JAZF1: variants seen among roughly 807,000 people sequenced by gnomAD.
JAZF1 encodes juxtaposed with another zinc finger protein 1.
JAZF1 carries 8 observed loss-of-function variants against 26.4 expected under a neutral mutation model. That is an observed-to-expected ratio of 0.30 (90% CI 0.18 to 0.55). The LOEUF is 0.55. Among genes scored for constraint, JAZF1 ranks in the 20% least tolerant of loss-of-function variants. The probability of loss-of-function intolerance (pLI) is 0.94; values close to 1 mark genes in which losing one functional copy is unlikely to be tolerated. For synonymous variants in JAZF1, 126 were observed against 122.3 expected (o/e 1.03, Z -0.20); for missense variants, 199 against 322.0 (o/e 0.62, Z 2.92).
chr7:27,833,172 C>T, intron 4 of JAZF1, 196 bp from the exon 5 acceptor site: 1 of 363,832 alleles, frequency 2.7e-6, no homozygotes, highest in Non-Finnish European at 4.9e-6. Context: ...GTCACACACA[C>T]AGCTGACTCA....
intron 2 of JAZF1, among the ~76,000 whole-genome samples, chr7:27,940,645 T>C (rs1399862047): frequency 1.3e-5 from 2 of 152,070 alleles, no homozygotes; most frequent in Admixed American, 1.3e-4. Flanking sequence ...GCATCTTGGG[T>C]GGGTGGCGTA....
intron 3 of JAZF1, among the ~76,000 whole-genome samples, chr7:27,883,114 C>T (rs529355435): frequency 9.7e-4 from 148 of 152,236 alleles, no homozygotes; most frequent in African/African-American, 3.3e-3. Flanking sequence ...GAGCTCTGGA[C>T]GTTGGCTTAA....
intron 1 of JAZF1, among the ~76,000 whole-genome samples, chr7:28,070,380 C>T (rs1783957360): frequency 6.6e-6 from 1 of 152,210 alleles, no homozygotes; most frequent in African/African-American, 2.4e-5. Context: ...ACATTTTCCT[C>T]TCCTTTGCTT....
intron 3 of JAZF1, among the ~76,000 whole-genome samples, chr7:27,887,194 C>T (rs970054908): frequency 3.9e-5 from 6 of 151,966 alleles, no homozygotes; most frequent in Non-Finnish European, 7.4e-5. Flanking sequence ...AATACCTGGG[C>T]GATGAAATAA....
At chr7:27,990,765 G>A (rs1458780497) in intron 2 of JAZF1, among the ~76,000 whole-genome samples, 1 of 151,968 alleles carries the variant, frequency 6.6e-6, no homozygotes, top group East Asian at 1.9e-4. Flanking sequence ...AACAATACTG[G>A]CTCTGTAAGA....
At chr7:27,984,322 G>C (rs1371595496) in intron 2 of JAZF1, among the ~76,000 whole-genome samples, 1 of 152,158 alleles carries the variant, frequency 6.6e-6, no homozygotes, top group African/African-American at 2.4e-5. Context: ...TGATAAAATA[G>C]ACTTTAAACC....
intron 1 of JAZF1, among the ~76,000 whole-genome samples, chr7:28,109,999 G>C (rs1327681969): frequency 2.0e-5 from 3 of 152,164 alleles, no homozygotes; most frequent in Non-Finnish European, 4.4e-5. Context: ...AACTACACTA[G>C]ATATTTTTTT....
intron 2 of JAZF1, among the ~76,000 whole-genome samples, chr7:27,919,770 A>G (rs1784499958): frequency 6.6e-6 from 1 of 152,198 alleles, no homozygotes; most frequent in Non-Finnish European, 1.5e-5. Flanking sequence ...TTCTACCCAC[A>G]CCATTTATTA....
At chr7:27,879,760 C>T (rs937533717) in intron 3 of JAZF1, among the ~76,000 whole-genome samples, 3 of 151,970 alleles carry the variant, frequency 2.0e-5, no homozygotes, top group African/African-American at 7.3e-5. Flanking sequence ...ATGAGAGGAA[C>T]CAATGAAAAA....
At chr7:27,916,035 T>C (rs1288121381) in intron 2 of JAZF1, among the ~76,000 whole-genome samples, 2 of 152,158 alleles carry the variant, frequency 1.3e-5, no homozygotes, top group Non-Finnish European at 2.9e-5. Flanking sequence ...TTAAATTGTG[T>C]GTGTGCACAG....
intron 1 of JAZF1, among the ~76,000 whole-genome samples, chr7:28,071,392 C>T (rs988729614): frequency 1.3e-5 from 2 of 152,204 alleles, no homozygotes; most frequent in Non-Finnish European, 2.9e-5. Flanking sequence ...AGTTTAGTGG[C>T]TAAATGCAAA....
intron 2 of JAZF1, among the ~76,000 whole-genome samples, chr7:27,910,081 A>G (rs1449852679): frequency 6.6e-6 from 1 of 152,186 alleles, no homozygotes. Context: ...ATGACACTGA[A>G]TGTTTATTAA....
In JAZF1 at chr7:28,091,453, A is replaced by AT. The variant is rs929143950; in HGVS notation, c.115+89009dup. ...TAAGAACATTCTTAAAATAGTTTAG[A>AT]TTTTTTTTTATTTAGGTATTTCCCA... On this transcript the variant is annotated intron_variant, in intron 1 of 4. Coordinates refer to ENST00000283928, the MANE Select transcript of JAZF1 (RefSeq NM_175061.4). 7.9e-4 allele frequency among the ~76,000 whole-genome samples: 120 copies of AT among 151,286 alleles called. 1 individual carries two copies. The highest frequency in any genetic ancestry group is 2.6e-3 in the African/African-American group (107 of 41,318).
Position 28,172,748 on chromosome 7 carries a change from G to A in JAZF1, c.115+7715C>T, listed in dbSNP as rs1462800845. On this transcript the variant is annotated intron_variant, in intron 1 of 4. Coordinates refer to ENST00000283928, the MANE Select transcript of JAZF1 (RefSeq NM_175061.4). ...AATTCTCTCTCTGACCCTCCCCTTT[G>A]TGTAAGGACCCCAGGTAAGCTGGCA... Among the ~76,000 whole-genome samples, 3 of 152,124 alleles carry A rather than the reference G, an allele frequency of 2.0e-5. No homozygotes were observed. The East Asian group carries it at 5.8e-4, about 29-fold the overall frequency.
chr7:27,888,104 G>C (rs79561944), intron 3 of JAZF1, among the ~76,000 whole-genome samples: 3,974 of 152,230 alleles, frequency 0.026, 159 homozygotes, highest in African/African-American at 0.089. Context: ...TACAAAAGCG[G>C]GTATTTATGT....
At chr7:27,902,381 A>C (rs1369168237) in intron 2 of JAZF1, among the ~76,000 whole-genome samples, 1 of 152,220 alleles carries the variant, frequency 6.6e-6, no homozygotes, top group African/African-American at 2.4e-5. Flanking sequence ...ATTTCATTTT[A>C]ACAAAATATG....
At chr7:28,131,395 A>G (rs867356417) in intron 1 of JAZF1, among the ~76,000 whole-genome samples, 27 of 152,320 alleles carry the variant, frequency 1.8e-4, no homozygotes, top group Middle Eastern at 6.8e-3. Flanking sequence ...GGAAAATAAC[A>G]GAAGATTCTC....
chr7:27,874,636 C>T (rs1367651842), intron 3 of JAZF1, among the ~76,000 whole-genome samples: 1 of 152,180 alleles, frequency 6.6e-6, no homozygotes, highest in Non-Finnish European at 1.5e-5. Context: ...CAAAGTTCCT[C>T]CCATAGAACA....
intron 1 of JAZF1, among the ~76,000 whole-genome samples, chr7:28,155,133 AG>A (rs1339272293): frequency 1.3e-5 from 2 of 152,222 alleles, no homozygotes; most frequent in African/African-American, 4.8e-5. Context: ...GGGGATGGAA[AG>A]GAGGCTGCAG....
Sources: gnomAD v4.1 joint callset for allele counts (sites outside exome capture counted in the v4.1 genomes callset) on GRCh38, gnomAD v4.1.1 for gene constraint, MANE v1.5 for transcripts, NCBI Gene and HGNC (gene_info 2026-07-23, HGNC 2026-07-21) for gene names.